Variants in ITPR1 observed in about 807,000 individuals in gnomAD.
ITPR1 encodes inositol 1,4,5-trisphosphate receptor type 1.
A neutral mutation model predicts 318.4 loss-of-function variants in ITPR1; 96 were observed. The observed-to-expected ratio is 0.30, with a 90% CI of 0.26 to 0.36. The LOEUF (loss-of-function observed/expected upper bound fraction) is 0.36, where lower values mean the gene tolerates loss of function less well. ITPR1 is among the 10% of genes least tolerant of loss of function. ITPR1 has a pLI of 1.00. For missense variants in ITPR1, 2,440 were observed against 3,460.2 expected (o/e 0.71, Z 7.40); for synonymous variants, 1,312 against 1,289.9 (o/e 1.02, Z -0.37).
intron 4 of ITPR1, among the ~76,000 whole-genome samples, chr3:4,616,457 T>G (rs2092391992): frequency 6.6e-6 from 1 of 152,222 alleles, no homozygotes; most frequent in Non-Finnish European, 1.5e-5. Flanking sequence ...CCTTCTGAAA[T>G]TTTTATTCTC....
At chr3:4,834,443 CGTGA>C (rs1559980741) in intron 60 of ITPR1, among the ~76,000 whole-genome samples, 1 of 152,146 alleles carries the variant, frequency 6.6e-6, no homozygotes, top group Admixed American at 6.5e-5. Flanking sequence ...TAGCAGCCAC[CGTGA>C]GTATCCAGGG....
In ITPR1 at chr3:4,662,171, T is replaced by C. The variant is rs777469556; in HGVS notation, c.1341T>C (p.Asn447=). The C allele has an allele frequency of 2.5e-6, 4 of 1,613,584 alleles. No individual in the cohort carries two copies. Among genetic ancestry groups the C allele is most frequent in the Non-Finnish European group, 3.4e-6 (4 of 1,179,632 alleles). The change falls in exon 15 of 62, where the codon AAT becomes AAC. Residue 447 remains asparagine, a synonymous_variant. Transcript: ENST00000649015. ...AAGTTCGGGACCTGGACTTTGCCAA[T>C]GATGCCAGCAAGGTGCTGGGCTCCA... ...PAEVRDLDFA[N]DASKVLGSIA...
At chr3:4,684,137 A>G (rs1016757207) in intron 28 of ITPR1, 144 bp from the exon 29 acceptor site, 5 of 655,208 alleles carry the variant, frequency 7.6e-6, no homozygotes, top group African/African-American at 3.6e-5. Context: ...GCAAGTAGGT[A>G]GATGACTGGG....
intron 10 of ITPR1, among the ~76,000 whole-genome samples, chr3:4,647,455 A>G (rs1325694396): frequency 1.3e-5 from 2 of 152,168 alleles, no homozygotes; most frequent in Non-Finnish European, 2.9e-5. Context: ...TAGCCATGGT[A>G]TGGTATGGTA....
rs769728982 is a variant in ITPR1 at position 4,768,499 on chromosome 3, C to T, written c.5726-12C>T. Reference sequence around the variant, plus strand: ...ACTCTGCAGCCTTTCATGCCTTATGCTTGCTTTCTAGCTAAAGAGCCCACA... The same window carrying T: ...ACTCTGCAGCCTTTCATGCCTTATGTTTGCTTTCTAGCTAAAGAGCCCACA... On this transcript the variant is annotated splice_polypyrimidine_tract_variant and intron_variant, in intron 45 of 61. Transcript: ENST00000649015. The T allele has an allele frequency of 8.8e-6, 14 of 1,596,740 alleles. No homozygotes were observed. Among genetic ancestry groups the T allele is most frequent in the Non-Finnish European group, 9.4e-6 (11 of 1,168,910 alleles).
intron 30 of ITPR1, among the ~76,000 whole-genome samples, chr3:4,686,391 A>G (rs2125237644): frequency 6.6e-6 from 1 of 152,344 alleles, no homozygotes; most frequent in Middle Eastern, 3.4e-3. Flanking sequence ...CTTGTAGTTG[A>G]TACAGGTGTG....
intron 44 of ITPR1, among the ~76,000 whole-genome samples, chr3:4,751,836 G>A (rs3828437): frequency 0.39 from 58,727 of 152,064 alleles, 12,012 homozygotes; most frequent in Middle Eastern, 0.64. Context: ...TGCAGGGACA[G>A]TGAAGGCGCC....
At chr3:4,613,158 A>T (rs566244291) in intron 4 of ITPR1, among the ~76,000 whole-genome samples, 2 of 152,186 alleles carry the variant, frequency 1.3e-5, no homozygotes, top group Non-Finnish European at 2.9e-5. Flanking sequence ...ATTTGGGACA[A>T]CTCAAAGTGG....
At chr3:4,702,530 A>C (rs1003481247) in intron 35 of ITPR1, among the ~76,000 whole-genome samples, 7 of 152,356 alleles carry the variant, frequency 4.6e-5, no homozygotes, top group African/African-American at 1.7e-4. Flanking sequence ...TAAGAATACC[A>C]GTCTTTGAAC....
At chr3:4,585,509 T>C (rs1181678892) in intron 4 of ITPR1, among the ~76,000 whole-genome samples, 1 of 152,180 alleles carries the variant, frequency 6.6e-6, no homozygotes, top group East Asian at 1.9e-4. Context: ...CGATCCCAGC[T>C]CACTGCAAAC....
chr3:4,728,431 G>A (rs572529058), intron 42 of ITPR1, among the ~76,000 whole-genome samples: 3 of 152,220 alleles, frequency 2.0e-5, no homozygotes, highest in East Asian at 1.9e-4. Context: ...TATGGTCGTC[G>A]GTGTCTAGGA....
At chr3:4,522,588 C>T (rs73807285) in intron 4 of ITPR1, among the ~76,000 whole-genome samples, 2,115 of 152,272 alleles carry the variant, frequency 0.014, 43 homozygotes, top group African/African-American at 0.048. Flanking sequence ...GAACCCAAGG[C>T]GGCTACTGCC....
intron 4 of ITPR1, among the ~76,000 whole-genome samples, chr3:4,586,289 G>A (rs184947519): frequency 7.2e-5 from 11 of 152,096 alleles, no homozygotes; most frequent in Admixed American, 6.5e-4. Flanking sequence ...AGCTTTACCC[G>A]TTTCTACCAT....
intron 26 of ITPR1, among the ~76,000 whole-genome samples, chr3:4,681,624 A>AGTATGTGTGTGTGT (rs373511110): frequency 0.049 from 7,206 of 145,832 alleles, 218 homozygotes; most frequent in Middle Eastern, 0.085. Flanking sequence ...AGAGAGAGAA[A>AGTATGTGTGTGTGT]GTGTGTGTGT....
Position 4,806,103 on chromosome 3 carries a change from G to A in ITPR1, c.7108G>A (p.Val2370Ile). 1 of 1,612,926 alleles carries A rather than the reference G, an allele frequency of 6.2e-7. No homozygotes were observed. The highest frequency in any genetic ancestry group is 8.5e-7 in the Non-Finnish European group (1 of 1,179,200). The change falls in exon 55 of 62, where the codon GTA becomes ATA. Residue 2370 changes from valine to isoleucine, a missense_variant and splice_region_variant. Around this residue, in one of 23 missense-constraint regions of ITPR1, gnomAD observed 126 missense variants for 150.8 expected, o/e 0.84. Transcript: ENST00000649015. The stretch of plus-strand genomic sequence containing the variant: ...TGACTGTTCCTGTCATTGTTCTCAG[G>A]TATGCAATAAAATCATCTTTCTAAT... ...PTLFLLGAFN[V>I]CNKIIFLMSF...
At chr3:4,550,435 A>C (rs1477415431) in intron 4 of ITPR1, among the ~76,000 whole-genome samples, 1 of 152,222 alleles carries the variant, frequency 6.6e-6, no homozygotes, top group Non-Finnish European at 1.5e-5. Context: ...CATGAAAATC[A>C]TGTAGTGCCT....
At chr3:4,545,133 C>G (rs1559419912) in intron 4 of ITPR1, among the ~76,000 whole-genome samples, 1 of 152,078 alleles carries the variant, frequency 6.6e-6, no homozygotes, top group Non-Finnish European at 1.5e-5. Context: ...CTGGTAGAAT[C>G]AAGAACAATT....
intron 58 of ITPR1, 131 bp downstream of exon 58, chr3:4,814,693 G>A: frequency 2.5e-6 from 2 of 800,756 alleles, no homozygotes; most frequent in Non-Finnish European, 3.9e-6. Context: ...AGTAGCTGCG[G>A]AACTAGCTCA....
chr3:4,648,628 G>T (rs2125165665), intron 10 of ITPR1, among the ~76,000 whole-genome samples: 1 of 152,208 alleles, frequency 6.6e-6, no homozygotes, highest in South Asian at 2.1e-4. Context: ...TGGTCAACAT[G>T]GTGAAACCCT....
Sources: allele counts gnomAD v4.1 joint callset (sites outside exome capture counted in the v4.1 genomes callset), GRCh38; gene constraint gnomAD v4.1.1; regional missense constraint gnomAD v4.1.1; transcripts MANE v1.5; gene names NCBI Gene and HGNC (gene_info 2026-07-23, HGNC 2026-07-21).